GLP1R: variants seen among roughly 807,000 people sequenced by gnomAD.
The protein encoded by GLP1R is glucagon like peptide 1 receptor, also known as glucagon-like peptide 1 receptor.
In GLP1R, 32 loss-of-function variants were observed where a neutral mutation model predicts 68.4. The observed-to-expected ratio is 0.47, with a 90% confidence interval of 0.35 to 0.63. The LOEUF is 0.63. Among genes scored for constraint, GLP1R ranks in the 20% least tolerant of loss-of-function variants. The pLI is 0.00. For missense variants in GLP1R, 502 were observed against 594.9 expected, an observed-to-expected ratio of 0.84 and a Z score of 1.62; for synonymous variants, 263 against 244.4, an observed-to-expected ratio of 1.08 and a Z score of -0.71.
intron 12 of GLP1R, among the ~76,000 whole-genome samples, chr6:39,083,799 T>C (rs1769076333): frequency 1.3e-5 from 2 of 151,884 alleles, no homozygotes; most frequent in African/African-American, 4.8e-5. Flanking sequence ...AATCCGATGG[T>C]GGAGGAGGAA....
chr6:39,066,566 C>G (rs1768525646), intron 5 of GLP1R, among the ~76,000 whole-genome samples: 1 of 152,256 alleles, frequency 6.6e-6, no homozygotes, highest in African/African-American at 2.4e-5. Flanking sequence ...CCACCAACCT[C>G]AAAACCTTAA....
intron 1 of GLP1R, among the ~76,000 whole-genome samples, chr6:39,054,252 AC>A (rs1270167285): frequency 1.3e-5 from 2 of 149,128 alleles, no homozygotes; most frequent in Non-Finnish European, 3.0e-5. Context: ...ATTCCCCTCC[AC>A]CCACGACCAC....
At chr6:39,051,515 G>A (rs148605442) in intron 1 of GLP1R, among the ~76,000 whole-genome samples, 3,021 of 152,290 alleles carry the variant, frequency 0.02, 46 homozygotes, top group Non-Finnish European at 0.032. Context: ...TCCTGGACAG[G>A]ACCCAGGCTG....
At position 39,057,495 on chromosome 6, in the gene GLP1R, G is replaced by C; in HGVS notation, c.199G>C (p.Asp67His). ...AGACTTGTTCTGCAACCGGACCTTC[G>C]ATGAATACGCCTGCTGGCCAGATGG... is the stretch of plus-strand genomic sequence containing the variant. Reference protein sequence around the residue: ...ATDLFCNRTFDEYACWPDGEP... With the variant: ...ATDLFCNRTFHEYACWPDGEP... Residue 67 changes from aspartate to histidine, a missense_variant, in exon 3 of 13, where the codon GAT becomes CAT. By Grantham distance (81) the Asp-to-His change is moderately conservative. Transcript: ENST00000373256. 6.2e-7 allele frequency: 1 copy of C among 1,613,274 alleles called. No individual in the cohort carries two copies. The highest frequency in any genetic ancestry group is 1.3e-5 in the African/African-American group (1 of 75,022).
At chr6:39,065,213 C>A (rs1408831636) in intron 3 of GLP1R, among the ~76,000 whole-genome samples, 1 of 152,176 alleles carries the variant, frequency 6.6e-6, no homozygotes, top group Non-Finnish European at 1.5e-5. Flanking sequence ...TCAGTGCCAA[C>A]CTTGTTCCCA....
chr6:39,048,899 G>C lies in GLP1R; in HGVS notation c.59G>C (p.Arg20Thr). 1 of 1,440,120 alleles carries C rather than the reference G, an allele frequency of 6.9e-7. No individual in the cohort carries two copies. Among genetic ancestry groups the C allele is most frequent in the South Asian group, 1.4e-5 (1 of 70,318 alleles). The allele number at this position is 1,440,120 out of a possible 1,614,324, so 89.2% of individuals were successfully genotyped here. The change falls in exon 1 of 13, where the codon AGG (arginine) becomes ACG (threonine). Residue 20 changes from arginine (R) to threonine (T), a missense_variant. Coordinates refer to ENST00000373256, the MANE Select transcript of GLP1R (RefSeq NM_002062.5). ...CTGCTGCTGCTCGGGATGGTGGGCA[G>C]GGCCGGCCCCCGCCCCCAGGTGAGA... Reference protein sequence around the residue: ...LALLLLGMVGRAGPRPQGATV... With the variant: ...LALLLLGMVGTAGPRPQGATV...
intron 3 of GLP1R, among the ~76,000 whole-genome samples, chr6:39,064,716 T>TGGG (rs961464597): frequency 3.3e-5 from 5 of 152,188 alleles, no homozygotes; most frequent in African/African-American, 1.2e-4. Context: ...TAGGTGGACA[T>TGGG]GGGGCATGGT....
chr6:39,059,805 C>T (rs1481728746), intron 3 of GLP1R, among the ~76,000 whole-genome samples: 1 of 152,126 alleles, frequency 6.6e-6, no homozygotes, highest in Non-Finnish European at 1.5e-5. Context: ...AGGACAGGGC[C>T]CATCACTCAG....
At chr6:39,078,684 A>G (rs1768902763) in intron 8 of GLP1R, among the ~76,000 whole-genome samples, 2 of 152,144 alleles carry the variant, frequency 1.3e-5, no homozygotes, top group African/African-American at 4.8e-5. Context: ...TGCTGGGTAC[A>G]CACATGACTG....
chr6:39,078,185 T>A (rs1768884569), intron 7 of GLP1R, 137 bp from the exon 8 acceptor site: 1 of 687,062 alleles, frequency 1.5e-6, no homozygotes. Flanking sequence ...AGAAAAAAAC[T>A]AGAAAACATA....
At chr6:39,059,807 A>C (rs1768313164) in intron 3 of GLP1R, among the ~76,000 whole-genome samples, 1 of 152,132 alleles carries the variant, frequency 6.6e-6, no homozygotes. Context: ...GACAGGGCCC[A>C]TCACTCAGCA....
chr6:39,090,244 T>G lies in GLP1R; in HGVS notation c.*4171T>G, dbSNP rs1769248845. Among the ~76,000 whole-genome samples the G allele has an allele frequency of 1.3e-5, 2 of 152,182 alleles. No individual in the cohort carries two copies. Among genetic ancestry groups the G allele is most frequent in the South Asian group, 4.1e-4 (2 of 4,824 alleles). On this transcript the variant is annotated 3_prime_UTR_variant, in exon 13 of 13. Coordinates refer to ENST00000373256, the MANE Select transcript of GLP1R (RefSeq NM_002062.5). ...TGTGTCTGCAGTATCTATAAGTACT[T>G]CCGCTCTGTCAAGGAATACAGACTG...
chr6:39,073,554 C>T, intron 6 of GLP1R, 56 bp from the exon 7 acceptor site: 1 of 1,496,864 alleles, frequency 6.7e-7, no homozygotes. Flanking sequence ...GGAGTGGTAT[C>T]AAGAGAGGCA....
chr6:39,055,339 G>T (rs1009443533), intron 1 of GLP1R, among the ~76,000 whole-genome samples: 4 of 152,162 alleles, frequency 2.6e-5, no homozygotes, highest in African/African-American at 9.7e-5. Flanking sequence ...TGGGGCTCTT[G>T]GGTCATTTCA....
intron 3 of GLP1R, among the ~76,000 whole-genome samples, chr6:39,059,490 G>A (rs1418235339): frequency 6.6e-6 from 1 of 152,144 alleles, no homozygotes; most frequent in Non-Finnish European, 1.5e-5. Context: ...ACAGGGGTGA[G>A]CTGTCTGCCC....
Position 39,066,181 on chromosome 6 carries a change from C to T in GLP1R, c.403-16C>T, listed in dbSNP as rs201525605. ...ATGGGCTGCCCATGTACACGTATGT[C>T]CCCCGTGTGCCACAGAGCTCCCCGG... On this transcript the variant is annotated splice_polypyrimidine_tract_variant and intron_variant, in intron 4 of 12. Coordinates refer to ENST00000373256, the MANE Select transcript of GLP1R (RefSeq NM_002062.5). 4.3e-6 allele frequency: 6 copies of T among 1,404,510 alleles called. No homozygotes were observed. The highest frequency in any genetic ancestry group is 3.5e-5 in the South Asian group (3 of 85,618). The allele number at this position is 1,404,510 out of a possible 1,614,324, so 87.0% of individuals were successfully genotyped here. A position where few individuals can be genotyped will look rare whatever the true frequency, so the allele number is the denominator to read the frequency against.
At chr6:39,062,141 C>T (rs183005058) in intron 3 of GLP1R, among the ~76,000 whole-genome samples, 12 of 152,348 alleles carry the variant, frequency 7.9e-5, no homozygotes, top group Non-Finnish European at 1.8e-4. Flanking sequence ...TTACAGGCGC[C>T]GCAGCAGCTT....
In GLP1R at chr6:39,065,845, G is replaced by A. The variant is rs1425821568; in HGVS notation, c.402+16G>A. 1 of 1,504,332 alleles carries A rather than the reference G, an allele frequency of 6.6e-7. No individual in the cohort carries two copies. Among genetic ancestry groups the A allele is most frequent in the South Asian group, 1.1e-5 (1 of 87,506 alleles). The allele number at this position is 1,504,332 out of a possible 1,614,324, so 93.2% of individuals were successfully genotyped here. On this transcript the variant is annotated intron_variant, in intron 4 of 12. Transcript: ENST00000373256. ...AGGGGAAAGAGTGAGTTGAGGCGGG[G>A]TTCTGAGCCAGGGAGCGGGGAGCCA...
Position 39,065,752 on chromosome 6 carries a change from C to T in GLP1R, c.325C>T (p.Leu109Phe), listed in dbSNP as rs936741749. ...GTACCGGTTCTGCACAGCTGAAGGC[C>T]TCTGGCTGCAGAAGGACAACTCCAG... is the stretch of plus-strand genomic sequence containing the variant. ...HVYRFCTAEG[L>F]WLQKDNSSLP... The change falls in exon 4 of 13, where the codon CTC (leucine) becomes TTC (phenylalanine). Residue 109 changes from leucine to phenylalanine, a missense_variant. Coordinates refer to ENST00000373256, the MANE Select transcript of GLP1R (RefSeq NM_002062.5). 2.5e-6 allele frequency: 4 copies of T among 1,581,910 alleles called. No homozygotes were observed. The highest frequency in any genetic ancestry group is 1.8e-5 in the Admixed American group (1 of 54,808).
Sources: allele counts gnomAD v4.1 joint callset (sites outside exome capture counted in the v4.1 genomes callset), GRCh38; gene constraint gnomAD v4.1.1; transcripts MANE v1.5; gene names NCBI Gene and HGNC (gene_info 2026-07-23, HGNC 2026-07-21).